Variants in USP37 observed in about 807,000 individuals in gnomAD.
USP37 encodes ubiquitin carboxyl-terminal hydrolase 37.
Under a neutral mutation model 124.0 loss-of-function variants are expected in USP37, and 27 were observed. The observed-to-expected ratio is 0.22, with a 90% confidence interval of 0.16 to 0.30. The LOEUF (loss-of-function observed/expected upper bound fraction) is 0.30. Among genes scored for constraint, USP37 ranks in the 10% least tolerant of loss-of-function variants. USP37 has a pLI of 1.00. For synonymous variants in USP37, 365 were observed against 388.0 expected (o/e 0.94, Z 0.70); for missense variants, 889 against 1,140.4 (o/e 0.78, Z 3.17).
rs537978526 is a variant in USP37, at chr2:218,553,396, T to C, written c.328+157A>G. 3.3e-5 allele frequency among the ~76,000 whole-genome samples: 5 copies of C among 152,378 alleles called. No individual in the cohort carries two copies. In the East Asian group the frequency reaches 9.6e-4, roughly 29 times the overall value. On this transcript the variant is annotated intron_variant, in intron 5 of 25. Transcript: ENST00000258399. The stretch of plus-strand genomic sequence containing the variant: ...GATGTGTTACACAGATTGATTTTCA[T>C]ATGGTGAACTATCTTTGAATTTCAG...
Position 218,502,199 on chromosome 2 carries a change from AAAC to A in USP37, c.1026-4045_1026-4043del, listed in dbSNP as rs534996154. ...AAAACTACTGCAGACAAGAATATTA[AAAC>A]AACTACTTAAAATATGCTCTACACG... On this transcript the variant is annotated intron_variant, in intron 11 of 25. Coordinates refer to ENST00000258399, the MANE Select transcript of USP37 (RefSeq NM_020935.3). 1.3e-3 allele frequency among the ~76,000 whole-genome samples: 201 copies of A among 152,344 alleles called. 3 individuals carry two copies. Among genetic ancestry groups the A allele is most frequent in the African/African-American group, 4.4e-3 (182 of 41,590 alleles).
chr2:218,484,789 C>T (rs1691466206), intron 16 of USP37, among the ~76,000 whole-genome samples: 1 of 152,118 alleles, frequency 6.6e-6, no homozygotes, highest in African/African-American at 2.4e-5. Context: ...GAAAGTAAAG[C>T]ACTCTGTAGG....
At chr2:218,549,306 G>A (rs1354069240) in intron 6 of USP37, among the ~76,000 whole-genome samples, 1 of 151,982 alleles carries the variant, frequency 6.6e-6, no homozygotes, top group Non-Finnish European at 1.5e-5. Context: ...AGTCCAATAA[G>A]TGGACTAAGT....
At chr2:218,489,743 G>A (rs758194182) in intron 14 of USP37, among the ~76,000 whole-genome samples, 2 of 152,014 alleles carry the variant, frequency 1.3e-5, no homozygotes, top group Non-Finnish European at 1.5e-5. Context: ...CTCCCAAAAT[G>A]CTGGGATTAC....
chr2:218,467,475 C>T (rs61342763), intron 20 of USP37, among the ~76,000 whole-genome samples: 7,955 of 151,884 alleles, frequency 0.052, 678 homozygotes, highest in African/African-American at 0.18. Flanking sequence ...CAGCCTTCCG[C>T]GTAGCTGGGA....
At chr2:218,530,442 C>G (rs1397917526) in intron 9 of USP37, among the ~76,000 whole-genome samples, 1 of 152,212 alleles carries the variant, frequency 6.6e-6, no homozygotes, top group Non-Finnish European at 1.5e-5. Flanking sequence ...GTACCACGAA[C>G]TGCACCCATA....
At chr2:218,546,536 A>G (rs1692331835) in intron 7 of USP37, among the ~76,000 whole-genome samples, 1 of 152,188 alleles carries the variant, frequency 6.6e-6, no homozygotes, top group Non-Finnish European at 1.5e-5. Flanking sequence ...CTCCTGCCTC[A>G]GCCTCCCGAG....
chr2:218,520,848 T>C (rs1690570767), intron 10 of USP37, among the ~76,000 whole-genome samples: 1 of 152,190 alleles, frequency 6.6e-6, no homozygotes, highest in African/African-American at 2.4e-5. Context: ...TCCCTCAGAA[T>C]AGCTGATATA....
chr2:218,566,838 G>A (rs1417492018), intron 1 of USP37, among the ~76,000 whole-genome samples: 1 of 152,282 alleles, frequency 6.6e-6, no homozygotes, highest in African/African-American at 2.4e-5. Flanking sequence ...AGAACTTGGA[G>A]AGAGTAGAAG....
chr2:218,543,011 A>T (rs971896712), intron 8 of USP37, among the ~76,000 whole-genome samples: 4 of 152,206 alleles, frequency 2.6e-5, no homozygotes, highest in African/African-American at 9.6e-5. Flanking sequence ...TTTATGCCTT[A>T]GTAAAATATT....
At chr2:218,533,399 C>A (rs1316248615) in intron 9 of USP37, among the ~76,000 whole-genome samples, 2 of 152,156 alleles carry the variant, frequency 1.3e-5, no homozygotes, top group Non-Finnish European at 2.9e-5. Flanking sequence ...TTTAGTTCTT[C>A]CACCGATTAA....
At chr2:218,552,688 G>T (rs1181248250) in intron 5 of USP37, among the ~76,000 whole-genome samples, 1 of 152,188 alleles carries the variant, frequency 6.6e-6, no homozygotes, top group Non-Finnish European at 1.5e-5. Context: ...AGGGGTTAGA[G>T]GGGGCAGAGG....
At chr2:218,543,684 C>T (rs1035252802) in intron 8 of USP37, among the ~76,000 whole-genome samples, 1 of 150,918 alleles carries the variant, frequency 6.6e-6, no homozygotes, top group East Asian at 2.0e-4. Context: ...GGTGTGGTGG[C>T]GGGTGCCTGT....
chr2:218,566,221 G>T (rs916298958), intron 1 of USP37, among the ~76,000 whole-genome samples: 2 of 152,132 alleles, frequency 1.3e-5, no homozygotes, highest in Admixed American at 6.5e-5. Context: ...GATAGATGGT[G>T]GTGCTGGAAC....
chr2:218,481,412 G>C (rs986215736), intron 17 of USP37, among the ~76,000 whole-genome samples: 2 of 151,966 alleles, frequency 1.3e-5, no homozygotes, highest in African/African-American at 2.4e-5. Flanking sequence ...AGAACTTCCA[G>C]GGAAAAAACA....
At chr2:218,489,532 AGT>A (rs1691798088) in intron 14 of USP37, among the ~76,000 whole-genome samples, 1 of 151,588 alleles carries the variant, frequency 6.6e-6, no homozygotes, top group African/African-American at 2.4e-5. Context: ...CCCAAGCTGG[AGT>A]GCAATGGCAC....
At chr2:218,538,511 C>T (rs762405477) in intron 8 of USP37, among the ~76,000 whole-genome samples, 9 of 152,168 alleles carry the variant, frequency 5.9e-5, no homozygotes, top group Non-Finnish European at 5.9e-5. Context: ...ATAACTTGTC[C>T]AGTGCATGTC....
chr2:218,553,424 A>C, intron 5 of USP37, 129 bp downstream of exon 5: 1 of 824,384 alleles, frequency 1.2e-6, no homozygotes, highest in Non-Finnish European at 1.7e-6. Flanking sequence ...AATTTCAGGA[A>C]TAAATCTTAT....
chr2:218,477,655 T>C (rs1691050418), intron 18 of USP37, among the ~76,000 whole-genome samples: 1 of 152,208 alleles, frequency 6.6e-6, no homozygotes, highest in Non-Finnish European at 1.5e-5. Flanking sequence ...GCAAACTATC[T>C]TGTAATAATT....
Sources: gnomAD v4.1 joint callset for allele counts (sites outside exome capture counted in the v4.1 genomes callset) on GRCh38, gnomAD v4.1.1 for gene constraint, MANE v1.5 for transcripts, NCBI Gene and HGNC (gene_info 2026-07-23, HGNC 2026-07-21) for gene names.